The following SLC6A20 variants were observed in gnomAD, a reference collection of about 807,000 sequenced individuals.
SLC6A20 encodes the protein sodium- and chloride-dependent transporter XTRP3.
A neutral mutation model predicts 64.3 loss-of-function variants in SLC6A20; 73 were observed. The ratio of observed to expected loss-of-function variants is 1.14; its 90% CI spans 0.94 to 1.38. SLC6A20 has a LOEUF of 1.38. Ranked by LOEUF, SLC6A20 falls within the 40% of genes most tolerant of loss-of-function variation. The pLI is 0.00. For missense variants in SLC6A20, 725 were observed against 772.8 expected (o/e 0.94, Z 0.73); for synonymous variants, 347 against 329.6 (o/e 1.05, Z -0.57).
intron 4 of SLC6A20, among the ~76,000 whole-genome samples, chr3:45,774,627 C>G (rs1360362568): frequency 1.3e-5 from 2 of 152,048 alleles, no homozygotes; most frequent in African/African-American, 4.8e-5. Context: ...TCCCATGGGC[C>G]CTGGAATACC....
chr3:45,775,353 T>G (rs1332292081), intron 4 of SLC6A20, among the ~76,000 whole-genome samples: 1 of 152,018 alleles, frequency 6.6e-6, no homozygotes, highest in African/African-American at 2.4e-5. Context: ...GCATGAGATT[T>G]TTGAAAACTC....
chr3:45,785,670 T>C (rs1181622751), intron 1 of SLC6A20, among the ~76,000 whole-genome samples: 2 of 150,602 alleles, frequency 1.3e-5, no homozygotes, highest in African/African-American at 4.9e-5. Flanking sequence ...TCTGTCCCTC[T>C]AGGGAACCCT....
intron 4 of SLC6A20, 24 bp downstream of exon 4, chr3:45,775,737 G>A: frequency 6.2e-7 from 1 of 1,601,920 alleles, no homozygotes; most frequent in East Asian, 2.2e-5. Context: ...AGGAGCACCG[G>A]GCTTCTGTGC....
In SLC6A20 at chr3:45,762,937, A is replaced by T; in HGVS notation, c.1439T>A (p.Val480Glu). ...CCTCCTCAGCCCGTACACGTAGCAC[A>T]CGGCAATCGTCTCCACCAGCACGAT... ...LLIVLVETIA[V>E]CYVYGLRRFE... The change falls in exon 9 of 11, where the codon GTG becomes GAG. Residue 480 changes from valine to glutamate, a missense_variant. Coordinates refer to ENST00000358525, the MANE Select transcript of SLC6A20 (RefSeq NM_020208.4). 3.1e-6 allele frequency: 5 copies of T among 1,614,142 alleles called. No homozygotes were observed. In the South Asian group the frequency reaches 5.5e-5, roughly 18 times the overall value.
In SLC6A20 at chr3:45,765,712, G is replaced by A. The variant is rs748030318; in HGVS notation, c.1128C>T (p.Ile376=). ...TAVQGTGLAF[I]VYTEAIKNME... Reference sequence around the variant, plus strand: ...TGTTTTTAATGGCCTCTGTGTAGACGATGAATGCCAGGCCAGTGCCCTGGA... The same window carrying A: ...TGTTTTTAATGGCCTCTGTGTAGACAATGAATGCCAGGCCAGTGCCCTGGA... Residue 376 remains isoleucine, a synonymous_variant, in exon 8 of 11, where the codon ATC becomes ATT. Coordinates refer to ENST00000358525, the MANE Select transcript of SLC6A20 (RefSeq NM_020208.4). The surrounding 1 kb of genome is among the most constrained non-coding windows in gnomAD (Gnocchi z 4.2). 22 of 1,614,122 alleles carry A rather than the reference G, an allele frequency of 1.4e-5. No homozygotes were observed. Among genetic ancestry groups the A allele is most frequent in the Non-Finnish European group, 1.7e-5 (20 of 1,180,024 alleles).
At chr3:45,759,718 T>C in intron 10 of SLC6A20, 139 bp downstream of exon 10, 1 of 1,150,884 alleles carries the variant, frequency 8.7e-7, no homozygotes, top group Non-Finnish European at 1.2e-6. Flanking sequence ...ATTTCTAAAA[T>C]ACCTCAGTGA....
intron 1 of SLC6A20, among the ~76,000 whole-genome samples, chr3:45,795,607 C>T (rs76571426): frequency 0.099 from 15,028 of 152,222 alleles, 881 homozygotes; most frequent in Non-Finnish European, 0.13. Flanking sequence ...GGTACTTGGG[C>T]TTCACGAGGT....
At chr3:45,770,473 G>A (rs1365285157) in intron 6 of SLC6A20, 102 bp from the exon 7 acceptor site, 1 of 1,403,002 alleles carries the variant, frequency 7.1e-7, no homozygotes, top group Non-Finnish European at 9.7e-7. Context: ...AGGAAAGGGA[G>A]TCTGTTGCTT....
intron 1 of SLC6A20, among the ~76,000 whole-genome samples, chr3:45,790,872 G>A (rs1331007255): frequency 3.9e-5 from 6 of 152,044 alleles, no homozygotes; most frequent in Non-Finnish European, 7.4e-5. Flanking sequence ...CCTAGTCCCC[G>A]CCTCACTTCT....
At chr3:45,789,280 G>T (rs1173575086) in intron 1 of SLC6A20, among the ~76,000 whole-genome samples, 1 of 152,120 alleles carries the variant, frequency 6.6e-6, no homozygotes, top group Non-Finnish European at 1.5e-5. Flanking sequence ...AAAAAGTGAA[G>T]AATATATACT....
intron 1 of SLC6A20, among the ~76,000 whole-genome samples, chr3:45,785,607 T>C (rs1010993585): frequency 3.1e-5 from 3 of 96,866 alleles, no homozygotes; most frequent in African/African-American, 1.3e-4. Flanking sequence ...CTTAATAAAC[T>C]CCCCTTTCTC....
intron 3 of SLC6A20, among the ~76,000 whole-genome samples, chr3:45,778,570 T>C (rs1700014009): frequency 6.6e-6 from 1 of 152,198 alleles, no homozygotes; most frequent in Non-Finnish European, 1.5e-5. Flanking sequence ...TATTTTTGCT[T>C]TTGGGGGATG....
rs1699857534 is a variant in SLC6A20, at chr3:45,771,204, A to G, written c.935+13T>C. The G allele has an allele frequency of 6.2e-7, 1 of 1,614,062 alleles. No homozygotes were observed. Among genetic ancestry groups the G allele is most frequent in the South Asian group, 1.1e-5 (1 of 91,068 alleles). On this transcript the variant is annotated intron_variant, in intron 6 of 10. Transcript: ENST00000358525. ...AGGGAGGCCTGGGACTCGGTGGGAC[A>G]GCCCAGGCTTACTTCTTCAAGCAGT...
At chr3:45,763,689 C>G (rs914273510) in intron 8 of SLC6A20, among the ~76,000 whole-genome samples, 3 of 152,162 alleles carry the variant, frequency 2.0e-5, no homozygotes, top group Non-Finnish European at 1.5e-5. Context: ...AAGGCTCCCC[C>G]GACATCCCAT....
chr3:45,775,113 CAT>C (rs2125728727), intron 4 of SLC6A20, among the ~76,000 whole-genome samples: 1 of 152,282 alleles, frequency 6.6e-6, no homozygotes, highest in Admixed American at 6.5e-5. Flanking sequence ...GATGAAGGAA[CAT>C]GTCAGCCCCA....
intron 2 of SLC6A20, among the ~76,000 whole-genome samples, chr3:45,781,471 C>G (rs541908440): frequency 3.9e-5 from 6 of 152,250 alleles, no homozygotes; most frequent in Admixed American, 2.0e-4. Context: ...AGCCCTGGGT[C>G]ATAAGCAATG....
chr3:45,779,876 C>T, intron 3 of SLC6A20, 133 bp downstream of exon 3: 1 of 954,174 alleles, frequency 1.0e-6, no homozygotes, highest in Non-Finnish European at 1.6e-6. Context: ...TCCCCTCCAC[C>T]TCACACCACC....
Position 45,760,041 on chromosome 3 carries a change from G to C in SLC6A20, c.1464-19C>G. The C allele has an allele frequency of 6.2e-7, 1 of 1,601,786 alleles. No homozygotes were observed. The highest frequency in any genetic ancestry group is 1.3e-5 in the African/African-American group (1 of 74,532). On this transcript the variant is annotated intron_variant, in intron 9 of 10. Transcript: ENST00000358525. ...TTCAAATCTATTTGGAAAACAGGGA[G>C]AGAAAGTCTGGATTAACCAGGCTGC...
chr3:45,755,875 C>T lies in SLC6A20; in HGVS notation c.*3103G>A, dbSNP rs554596619. ...TTGAGTTCCATGAGCAAAAACTATT[C>T]CGTAGAAGTAACTCTTCCATATAAT... On this transcript the variant is annotated 3_prime_UTR_variant, in exon 11 of 11. Coordinates refer to ENST00000358525, the MANE Select transcript of SLC6A20 (RefSeq NM_020208.4). The T allele has an allele frequency of 6.6e-6, 1 of 152,518 alleles. No individual in the cohort carries two copies. Among genetic ancestry groups the T allele is most frequent in the African/African-American group, 2.4e-5 (1 of 41,430 alleles). The allele number at this position is 152,518 out of a possible 1,614,324, so 9.4% of individuals were successfully genotyped here.
Sources: gnomAD v4.1 joint callset for allele counts (sites outside exome capture counted in the v4.1 genomes callset) on GRCh38, gnomAD v4.1.1 for gene constraint, Gnocchi (gnomAD v3.1) non-coding constraint, MANE v1.5 for transcripts, NCBI Gene and HGNC (gene_info 2026-07-23, HGNC 2026-07-21) for gene names.